RBFOX1: variants seen among roughly 807,000 people sequenced by gnomAD.
RBFOX1 encodes RNA binding protein fox-1 homolog 1.
Under a neutral mutation model 57.7 loss-of-function variants are expected in RBFOX1, and 8 were observed. The observed-to-expected ratio is 0.14, with a 90% CI of 0.08 to 0.25. RBFOX1 has a LOEUF of 0.25. Ranked by LOEUF, RBFOX1 falls within the 10% of genes least tolerant of loss-of-function variation. The pLI, the probability that RBFOX1 is intolerant of heterozygous loss-of-function variation, is 1.00. For missense variants in RBFOX1, 611 were observed against 548.5 expected (o/e 1.11, Z -1.14); for synonymous variants, 326 against 222.4 (o/e 1.47, Z -4.15).
At chr16:7,345,257 G>A (rs2096974481) in intron 4 of RBFOX1, among the ~76,000 whole-genome samples, 2 of 152,170 alleles carry the variant, frequency 1.3e-5, no homozygotes, top group Non-Finnish European at 2.9e-5. Context: ...CTGTGGTGGT[G>A]TGTTATTTCT....
At chr16:5,885,699 G>A (rs937401606) in intron 4 of RBFOX1, among the ~76,000 whole-genome samples, 2 of 152,178 alleles carry the variant, frequency 1.3e-5, no homozygotes, top group East Asian at 3.9e-4. Context: ...CCAAAATAAA[G>A]AAATACGTTC....
intron 1 of RBFOX1, among the ~76,000 whole-genome samples, chr16:6,296,438 C>G (rs987267034): frequency 3.0e-5 from 3 of 99,018 alleles, no homozygotes; most frequent in Non-Finnish European, 2.2e-5. Context: ...TTTTTTTTTT[C>G]GAGGTGGAGT....
At chr16:6,652,671 G>A (rs895808207) in intron 2 of RBFOX1, among the ~76,000 whole-genome samples, 2 of 152,070 alleles carry the variant, frequency 1.3e-5, no homozygotes, top group African/African-American at 4.8e-5. Context: ...ATTTTTTATG[G>A]CATTCCTAGC....
intron 1 of RBFOX1, among the ~76,000 whole-genome samples, chr16:5,451,330 C>G (rs917255545): frequency 2.0e-5 from 3 of 152,124 alleles, no homozygotes; most frequent in African/African-American, 7.2e-5. Flanking sequence ...TTGTAATGAC[C>G]CATCAACAGG....
chr16:6,763,604 C>G (rs2076934785), intron 3 of RBFOX1, among the ~76,000 whole-genome samples: 1 of 152,230 alleles, frequency 6.6e-6, no homozygotes, highest in Non-Finnish European at 1.5e-5. Context: ...TCAACAACCA[C>G]TTGCCTTTCC....
At chr16:7,169,348 A>G (rs993983745) in intron 4 of RBFOX1, among the ~76,000 whole-genome samples, 2 of 152,196 alleles carry the variant, frequency 1.3e-5, no homozygotes, top group African/African-American at 4.8e-5. Context: ...TCTCAGCACT[A>G]TGGGTATATT....
chr16:7,112,882 A>G (rs1022507114), intron 4 of RBFOX1, among the ~76,000 whole-genome samples: 1 of 152,104 alleles, frequency 6.6e-6, no homozygotes, highest in Non-Finnish European at 1.5e-5. Context: ...TGACTGGGCT[A>G]TAATGCTACT....
chr16:6,006,937 C>A (rs548060526), intron 4 of RBFOX1, among the ~76,000 whole-genome samples: 2 of 152,282 alleles, frequency 1.3e-5, no homozygotes, highest in South Asian at 4.1e-4. Context: ...TCTCCCATAT[C>A]TCTGCCATCC....
chr16:5,848,376 C>G (rs2056809473), intron 3 of RBFOX1, among the ~76,000 whole-genome samples: 1 of 152,090 alleles, frequency 6.6e-6, no homozygotes, highest in Non-Finnish European at 1.5e-5. Flanking sequence ...GAACCGGGTG[C>G]CTTCCCCACT....
chr16:6,706,768 G>C lies in RBFOX1; in HGVS notation c.-16+52118G>C, dbSNP rs564418104. ...AGAGTTCCAATCTTACAAGACATAC[G>C]GCCAGAGCTGACATATTCTTAGGAA... On this transcript the variant is annotated intron_variant, in intron 3 of 15. Transcript: ENST00000550418. 4.0e-5 allele frequency among the ~76,000 whole-genome samples: 6 copies of C among 149,974 alleles called. No individual in the cohort carries two copies. The South Asian group carries it at 1.1e-3, about 27-fold the overall frequency.
intron 4 of RBFOX1, among the ~76,000 whole-genome samples, chr16:7,088,431 G>T (rs2060310561): frequency 6.6e-6 from 1 of 152,106 alleles, no homozygotes; most frequent in African/African-American, 2.4e-5. Context: ...AACCAGATGT[G>T]TGTCCGTATG....
At chr16:7,202,013 T>G (rs1203337444) in intron 4 of RBFOX1, among the ~76,000 whole-genome samples, 1 of 152,152 alleles carries the variant, frequency 6.6e-6, no homozygotes, top group African/African-American at 2.4e-5. Flanking sequence ...TGCATAAATG[T>G]AGAATTTGCA....
chr16:7,652,272 G>A (rs1277744430), intron 11 of RBFOX1, among the ~76,000 whole-genome samples: 1 of 152,174 alleles, frequency 6.6e-6, no homozygotes, highest in African/African-American at 2.4e-5. Context: ...ATGGGAGGAA[G>A]GGAATCCCAG....
In RBFOX1 at chr16:5,365,839, A is replaced by G. The variant is rs1285847432; in HGVS notation, c.220-101377A>G. 6 of 517,904 alleles carry G rather than the reference A, an allele frequency of 1.2e-5. No homozygotes were observed. The East Asian group carries it at 3.2e-4, about 28-fold the overall frequency. 32.1% of individuals were successfully genotyped at this position (517,904 alleles called of 1,614,324 possible). On this transcript the variant is annotated intron_variant, in intron 1 of 2. Transcript: ENST00000585867. The stretch of plus-strand genomic sequence containing the variant: ...ATGGACATGAGCCCCCTGAGGCCCC[A>G]GAACTGTCTTTTCGGGTGTGAACTC...
chr16:6,022,425 A>T (rs1244934878), intron 1 of RBFOX1, among the ~76,000 whole-genome samples: 1 of 152,150 alleles, frequency 6.6e-6, no homozygotes, highest in Admixed American at 6.5e-5. Context: ...TCATGCCTGT[A>T]ATCCCATCAC....
intron 2 of RBFOX1, among the ~76,000 whole-genome samples, chr16:6,401,562 G>T (rs1168031937): frequency 1.3e-5 from 2 of 152,030 alleles, no homozygotes; most frequent in Non-Finnish European, 2.9e-5. Flanking sequence ...GCAGTGTTTA[G>T]CCGTATGCTT....
At chr16:6,620,629 T>C (rs937408124) in intron 2 of RBFOX1, among the ~76,000 whole-genome samples, 1 of 151,554 alleles carries the variant, frequency 6.6e-6, no homozygotes, top group Non-Finnish European at 1.5e-5. Flanking sequence ...GAAGAAAAGG[T>C]AGAAGATTCA....
intron 3 of RBFOX1, among the ~76,000 whole-genome samples, chr16:6,928,336 C>T (rs762286663): frequency 1.3e-4 from 20 of 152,036 alleles, no homozygotes; most frequent in African/African-American, 2.2e-4. Flanking sequence ...GAAGACGGGG[C>T]GGGGAAAGAA....
intron 4 of RBFOX1, among the ~76,000 whole-genome samples, chr16:7,113,049 G>A (rs973753095): frequency 2.6e-4 from 40 of 152,158 alleles, no homozygotes; most frequent in African/African-American, 7.5e-4. Context: ...AGAAAGCCTT[G>A]CAACCTGGAC....
Sources: allele counts gnomAD v4.1 joint callset (sites outside exome capture counted in the v4.1 genomes callset), GRCh38; gene constraint gnomAD v4.1.1; transcripts MANE v1.5; gene names NCBI Gene and HGNC (gene_info 2026-07-23, HGNC 2026-07-21).